NPHP4: variants seen among roughly 807,000 people sequenced by gnomAD.
The protein encoded by NPHP4 is nephrocystin 4, also known as nephrocystin-4.
NPHP4 carries 151 observed loss-of-function variants against 155.8 expected under a neutral mutation model. The ratio of observed to expected loss-of-function variants is 0.97; its 90% CI spans 0.85 to 1.11. NPHP4 has a LOEUF of 1.11. NPHP4 is among the 50% of genes least tolerant of loss of function. NPHP4 has a pLI of 0.00. For missense variants in NPHP4, 1,956 were observed against 1,925.7 expected (o/e 1.02, Z -0.29); for synonymous variants, 845 against 816.8 (o/e 1.03, Z -0.59).
At chr1:5,971,685 C>T (rs1652597522) in intron 3 of NPHP4, among the ~76,000 whole-genome samples, 1 of 152,196 alleles carries the variant, frequency 6.6e-6, no homozygotes, top group South Asian at 2.1e-4. Context: ...CCAGGCAGCA[C>T]CCAGCTGAGG....
chr1:5,982,528 CATAACTGT>C (rs780355046), intron 2 of NPHP4, among the ~76,000 whole-genome samples: 5 of 152,196 alleles, frequency 3.3e-5, no homozygotes, highest in Non-Finnish European at 4.4e-5. Flanking sequence ...AGGAACCATG[CATAACTGT>C]ATTTACCATT....
chr1:5,879,718 A>G, intron 19 of NPHP4: 1 of 444,508 alleles, frequency 2.2e-6, no homozygotes, highest in Non-Finnish European at 4.4e-6. Context: ...CGAGCTGCAT[A>G]TGGACAGCAC....
chr1:5,880,079 C>A (rs1467925639), intron 19 of NPHP4, 35 bp downstream of exon 19: 1 of 1,611,668 alleles, frequency 6.2e-7, no homozygotes, highest in African/African-American at 1.3e-5. Flanking sequence ...CCACTCACGA[C>A]CCACCCACAC....
intron 23 of NPHP4, among the ~76,000 whole-genome samples, chr1:5,871,896 C>T (rs1557607360): frequency 6.6e-6 from 1 of 152,208 alleles, no homozygotes; most frequent in Non-Finnish European, 1.5e-5. Flanking sequence ...AAGAAAAGTC[C>T]TTATCAGTCA....
intron 9 of NPHP4, among the ~76,000 whole-genome samples, chr1:5,943,709 G>C (rs1646941540): frequency 6.6e-6 from 1 of 152,216 alleles, no homozygotes; most frequent in African/African-American, 2.4e-5. Context: ...GCTGGGGTTT[G>C]TCCGTTTCTT....
intron 2 of NPHP4, among the ~76,000 whole-genome samples, chr1:5,982,297 C>T (rs1654839092): frequency 6.6e-6 from 1 of 152,098 alleles, no homozygotes; most frequent in African/African-American, 2.4e-5. Flanking sequence ...TATATTTTTA[C>T]TGTTTTTTCT....
At chr1:5,864,231 A>C (rs1640950516) in intron 28 of NPHP4, 107 bp downstream of exon 28, 1 of 1,222,030 alleles carries the variant, frequency 8.2e-7, no homozygotes, top group Non-Finnish European at 1.1e-6. Flanking sequence ...CTGCTGGGTC[A>C]GAACACTGTA....
At chr1:5,984,589 T>G (rs552046813) in intron 2 of NPHP4, among the ~76,000 whole-genome samples, 1 of 152,116 alleles carries the variant, frequency 6.6e-6, no homozygotes, top group Non-Finnish European at 1.5e-5. Flanking sequence ...ATTTGCATTT[T>G]AAAAAGGAAA....
chr1:5,942,558 TA>T (rs1646877240), intron 9 of NPHP4, among the ~76,000 whole-genome samples: 1 of 41,628 alleles, frequency 2.4e-5, no homozygotes, highest in Non-Finnish European at 4.8e-5. Flanking sequence ...AAAAGGAGAC[TA>T]AAATATTAAA....
At position 5,882,378 on chromosome 1, in the gene NPHP4, G is replaced by A. The variant is rs531381676; in HGVS notation, c.2486-2139C>T. ...GCGCTTACCCAGCCATCTCTCAGTG[G>A]TGCGCTTACCCAGCCATCTCTTTCC... On this transcript the variant is annotated intron_variant, in intron 18 of 29. Transcript: ENST00000378156. The surrounding 1 kb of genome is among the most constrained non-coding windows in gnomAD (Gnocchi z 5.1). The A allele has an allele frequency of 1.3e-5, 2 of 152,630 alleles. No homozygotes were observed. The highest frequency in any genetic ancestry group is 4.8e-5 in the African/African-American group (2 of 41,458). 9.5% of individuals were successfully genotyped at this position (152,630 alleles called of 1,614,324 possible). A position where few individuals can be genotyped will look rare whatever the true frequency, so the allele number is the denominator to read the frequency against.
chr1:5,905,369 C>A lies in NPHP4; in HGVS notation c.1878G>T (p.Val626=). The change falls in exon 15 of 30, where the codon GTG becomes GTT. Residue 626 remains valine (V), a synonymous_variant. Coordinates refer to ENST00000378156, the MANE Select transcript of NPHP4 (RefSeq NM_015102.5). This position sits in a 1 kb window ranked among gnomAD's most constrained non-coding sequence, Gnocchi z 4.0. The stretch of plus-strand genomic sequence containing the variant: ...ATTCTTCCTTCTGAGGGTTAAACGT[C>A]ACAGGTTCTGTAGCGCTGACAGCCT... ...PAEAVSATEP[V]TFNPQKEESD... is the part of the protein sequence containing the mutation. The A allele has an allele frequency of 1.2e-6, 2 of 1,613,944 alleles. No homozygotes were observed. Among genetic ancestry groups the A allele is most frequent in the Non-Finnish European group, 1.7e-6 (2 of 1,179,822 alleles).
intron 6 of NPHP4, among the ~76,000 whole-genome samples, chr1:5,959,965 G>C (rs1434725857): frequency 6.6e-6 from 1 of 152,232 alleles, no homozygotes; most frequent in East Asian, 1.9e-4. Context: ...CTGATGATCA[G>C]TATCAAGCAG....
At chr1:5,954,382 G>A (rs1348778492) in intron 6 of NPHP4, among the ~76,000 whole-genome samples, 4 of 152,164 alleles carry the variant, frequency 2.6e-5, no homozygotes, top group African/African-American at 9.7e-5. Context: ...ATCTGATAGC[G>A]ATGGTATTTA....
At position 5,927,709 on chromosome 1, in the gene NPHP4, G is replaced by C. The variant is rs2101670493; in HGVS notation, c.1381C>G (p.Pro461Ala). The C allele has an allele frequency of 6.2e-7, 1 of 1,613,470 alleles. No homozygotes were observed. Among genetic ancestry groups the C allele is most frequent in the Non-Finnish European group, 8.5e-7 (1 of 1,179,502 alleles). The change falls in exon 11 of 30, where the codon CCT becomes GCT. Residue 461 changes from proline to alanine, a missense_variant. Physicochemically the swap from Pro to Ala is conservative, Grantham distance 27 (BLOSUM62 -1). Transcript: ENST00000378156. Reference protein sequence around the residue: ...SEEHLDAPTEPVSGPKVERRP... With the variant: ...SEEHLDAPTEAVSGPKVERRP... ...CGCTCCACTTTGGGGCCACTGACAGGCTCCGTGGGTGCATCCAGGTGTTCT... is the reference window on the plus strand; with the variant it reads ...CGCTCCACTTTGGGGCCACTGACAGCCTCCGTGGGTGCATCCAGGTGTTCT...
intron 16 of NPHP4, among the ~76,000 whole-genome samples, chr1:5,899,692 G>C (rs893302819): frequency 6.6e-6 from 1 of 152,148 alleles, no homozygotes; most frequent in African/African-American, 2.4e-5. Context: ...AAATCTAGGT[G>C]ACCTCAGAGA....
intron 16 of NPHP4, among the ~76,000 whole-genome samples, chr1:5,891,566 G>A (rs1405265533): frequency 5.9e-5 from 9 of 152,256 alleles, no homozygotes; most frequent in African/African-American, 2.2e-4. Flanking sequence ...TAAGAGATGG[G>A]AACTGGACTG....
chr1:5,905,328 C>G lies in NPHP4; in HGVS notation c.1919G>C (p.Ser640Thr). The G allele has an allele frequency of 6.2e-7, 1 of 1,613,924 alleles. No homozygotes were observed. Among genetic ancestry groups the G allele is most frequent in the Non-Finnish European group, 8.5e-7 (1 of 1,179,806 alleles). The change falls in exon 15 of 30, where the codon AGC (serine) becomes ACC (threonine). Residue 640 changes from serine to threonine, a missense_variant. Coordinates refer to ENST00000378156, the MANE Select transcript of NPHP4 (RefSeq NM_015102.5). The surrounding 1 kb of genome is among the most constrained non-coding windows in gnomAD (Gnocchi z 4.0). ...PQKEESDCLQSNEMVLQFLAF... is the reference protein window; with the variant it reads ...PQKEESDCLQTNEMVLQFLAF... ...AAGAAACTGTAGCACCATCTCGTTG[C>G]TTTGTAGACAATCTGATTCTTCCTT...
chr1:5,888,079 G>C (rs1000356949), intron 17 of NPHP4, among the ~76,000 whole-genome samples: 17 of 152,268 alleles, frequency 1.1e-4, no homozygotes, highest in African/African-American at 4.1e-4. Flanking sequence ...TGGGGCACGA[G>C]AGGCCCGCCG....
chr1:5,953,766 T>C (rs1293160022), intron 6 of NPHP4, among the ~76,000 whole-genome samples: 1 of 152,190 alleles, frequency 6.6e-6, no homozygotes, highest in Non-Finnish European at 1.5e-5. Flanking sequence ...CCTTCTCCAC[T>C]TGCTCTAGAG....
Sources: gnomAD v4.1 joint callset for allele counts (sites outside exome capture counted in the v4.1 genomes callset) on GRCh38, gnomAD v4.1.1 for gene constraint, Gnocchi (gnomAD v3.1) non-coding constraint, MANE v1.5 for transcripts, NCBI Gene and HGNC (gene_info 2026-07-23, HGNC 2026-07-21) for gene names.